Variants in RASSF8 observed in about 807,000 individuals in gnomAD.
RASSF8 encodes the protein ras association domain-containing protein 8.
A neutral mutation model predicts 48.5 loss-of-function variants in RASSF8; 22 were observed. The ratio of observed to expected loss-of-function variants is 0.45; its 90% CI spans 0.32 to 0.65. The LOEUF is 0.65. RASSF8 is among the 30% of genes least tolerant of loss of function. The pLI, the probability that RASSF8 is intolerant of heterozygous loss-of-function variation, is 0.03. For synonymous variants in RASSF8, 127 were observed against 171.5 expected, an observed-to-expected ratio of 0.74 and a Z score of 2.03; for missense variants, 418 against 489.2, an observed-to-expected ratio of 0.85 and a Z score of 1.37.
chr12:26,033,096 C>A (rs965824587), intron 2 of RASSF8, among the ~76,000 whole-genome samples: 1 of 152,076 alleles, frequency 6.6e-6, no homozygotes, highest in African/African-American at 2.4e-5. Flanking sequence ...TGACTTTTCC[C>A]CTGAGGTAAA....
At chr12:26,079,025 T>G (rs1406508941) in intron 5 of RASSF8, 9 of 1,540,534 alleles carry the variant, frequency 5.8e-6, no homozygotes, top group Non-Finnish European at 7.9e-6. Context: ...TTCTTCTGTT[T>G]TATCTAGGGA....
intron 1 of RASSF8, among the ~76,000 whole-genome samples, chr12:25,975,709 T>G (rs1331836183): frequency 6.6e-6 from 1 of 152,114 alleles, no homozygotes; most frequent in African/African-American, 2.4e-5. Flanking sequence ...GAAATAGAGA[T>G]AAATGCAAAG....
Position 26,055,326 on chromosome 12 carries a change from G to A in RASSF8, c.-18G>A, listed in dbSNP as rs903562518. Reference sequence around the variant, plus strand: ...TGATGACCACTCTCAGGGACCTTGAGTGACTGGCCGGTGCACCATGGAACT... The same window carrying A: ...TGATGACCACTCTCAGGGACCTTGAATGACTGGCCGGTGCACCATGGAACT... On this transcript the variant is annotated 5_prime_UTR_variant, in exon 3 of 6. In the 5' UTR this introduces an upstream ATG that the reference lacks. Transcript: ENST00000689635. 1.0e-5 allele frequency: 16 copies of A among 1,607,858 alleles called. No homozygotes were observed. Among genetic ancestry groups the A allele is most frequent in the Middle Eastern group, 3.3e-4 (2 of 6,042 alleles).
chr12:26,015,032 C>CCCCA (rs923209255), intron 2 of RASSF8, among the ~76,000 whole-genome samples: 2 of 149,740 alleles, frequency 1.3e-5, no homozygotes, highest in African/African-American at 2.5e-5. Flanking sequence ...ATAGTGAGAC[C>CCCCA]CCGTCTGTCC....
intron 1 of RASSF8, among the ~76,000 whole-genome samples, chr12:25,975,200 G>A (rs4963947): frequency 0.11 from 17,132 of 152,122 alleles, 1,302 homozygotes; most frequent in Admixed American, 0.19. Context: ...CAGGACAACA[G>A]GTCCAAAAGC....
chr12:25,998,281 T>A (rs931954355), intron 2 of RASSF8, among the ~76,000 whole-genome samples: 2 of 152,172 alleles, frequency 1.3e-5, no homozygotes, highest in Non-Finnish European at 2.9e-5. Context: ...TTTGAGAAAT[T>A]TGTATCCAGA....
At chr12:25,988,096 C>T (rs1941930135) in intron 1 of RASSF8, among the ~76,000 whole-genome samples, 2 of 151,384 alleles carry the variant, frequency 1.3e-5, no homozygotes, top group South Asian at 2.1e-4. Flanking sequence ...CTCCTGACCT[C>T]GTGATCTGCC....
chr12:26,053,490 A>C (rs1268783944), intron 2 of RASSF8, among the ~76,000 whole-genome samples: 1 of 152,178 alleles, frequency 6.6e-6, no homozygotes, highest in Non-Finnish European at 1.5e-5. Flanking sequence ...TGTTTTCTTA[A>C]ATGTTCTCTA....
At chr12:25,981,330 A>G (rs1052299506) in intron 1 of RASSF8, among the ~76,000 whole-genome samples, 4 of 152,024 alleles carry the variant, frequency 2.6e-5, no homozygotes, top group African/African-American at 9.7e-5. Context: ...TAGCATTTTC[A>G]CTTAGTGTCC....
At chr12:25,996,697 T>TA (rs1942143289) in intron 2 of RASSF8, among the ~76,000 whole-genome samples, 1 of 152,218 alleles carries the variant, frequency 6.6e-6, no homozygotes, top group Non-Finnish European at 1.5e-5. Context: ...GCCTTTAGCT[T>TA]ACTGCTTTGT....
At chr12:25,972,536 A>G (rs1486020871) in intron 1 of RASSF8, among the ~76,000 whole-genome samples, 1 of 152,170 alleles carries the variant, frequency 6.6e-6, no homozygotes, top group Non-Finnish European at 1.5e-5. Flanking sequence ...CTCCAGATGA[A>G]CTGTTATACA....
chr12:26,047,219 A>G (rs923833516), intron 2 of RASSF8, among the ~76,000 whole-genome samples: 4 of 152,146 alleles, frequency 2.6e-5, no homozygotes, highest in African/African-American at 7.2e-5. Context: ...GCCCAATGGT[A>G]TATTATTTTT....
At chr12:26,023,921 A>G (rs1185454293) in intron 2 of RASSF8, among the ~76,000 whole-genome samples, 1 of 152,228 alleles carries the variant, frequency 6.6e-6, no homozygotes, top group Admixed American at 6.5e-5. Context: ...CCACAGGAAG[A>G]AATGAAGAGA....
intron 2 of RASSF8, among the ~76,000 whole-genome samples, chr12:26,035,190 TATG>T (rs1353580576): frequency 1.3e-5 from 2 of 151,992 alleles, no homozygotes; most frequent in Non-Finnish European, 2.9e-5. Flanking sequence ...TTTACTCTTG[TATG>T]ATAAGTTGTA....
intron 2 of RASSF8, among the ~76,000 whole-genome samples, chr12:26,044,736 A>G (rs1943336471): frequency 6.6e-6 from 1 of 152,212 alleles, no homozygotes; most frequent in Non-Finnish European, 1.5e-5. Context: ...CACAATGCAC[A>G]TCTTAAACTT....
chr12:26,074,385 C>T (rs1269790909), downstream of RASSF8, among the ~76,000 whole-genome samples: 9 of 152,256 alleles, frequency 5.9e-5, no homozygotes, highest in East Asian at 1.7e-3. Context: ...CATTGTCGCC[C>T]AGGCTGGACG....
Position 26,071,909 on chromosome 12 carries a change from A to G in RASSF8, c.*3091A>G, listed in dbSNP as rs756358696. ...TGCTTCCACAGCATAAATGTAATTTACATCTGCATTAAAGGATAATTTTCT... is the reference window on the plus strand; with the variant it reads ...TGCTTCCACAGCATAAATGTAATTTGCATCTGCATTAAAGGATAATTTTCT... On this transcript the variant is annotated 3_prime_UTR_variant, in exon 6 of 6. Transcript: ENST00000689635. The G allele has an allele frequency of 2.9e-5, 29 of 985,020 alleles. No individual in the cohort carries two copies. Among genetic ancestry groups the G allele is most frequent in the Non-Finnish European group, 3.4e-5 (28 of 829,632 alleles). 61.0% of individuals were successfully genotyped at this position (985,020 alleles called of 1,614,324 possible). A position where few individuals can be genotyped will look rare whatever the true frequency, so the allele number is the denominator to read the frequency against.
intron 2 of RASSF8, among the ~76,000 whole-genome samples, chr12:26,032,073 G>C (rs1943042105): frequency 6.6e-6 from 1 of 152,102 alleles, no homozygotes; most frequent in Non-Finnish European, 1.5e-5. Context: ...GAGATGCTTG[G>C]AAATTTTGTA....
intron 2 of RASSF8, among the ~76,000 whole-genome samples, chr12:26,051,018 A>G (rs901881368): frequency 2.6e-5 from 4 of 152,230 alleles, no homozygotes; most frequent in Admixed American, 2.0e-4. Context: ...TTTATTGGGT[A>G]CAGTGAATCC....
Sources: gnomAD v4.1 joint callset for allele counts (sites outside exome capture counted in the v4.1 genomes callset) on GRCh38, gnomAD v4.1.1 for gene constraint, MANE v1.5 for transcripts, NCBI Gene and HGNC (gene_info 2026-07-23, HGNC 2026-07-21) for gene names.